Variants in C1orf87 observed in about 807,000 individuals in gnomAD.
C1orf87 encodes chromosome 1 open reading frame 87, also known as uncharacterized protein C1orf87.
Under a neutral mutation model 60.5 loss-of-function variants are expected in C1orf87, and 58 were observed. The observed-to-expected ratio is 0.96, with a 90% CI of 0.78 to 1.19. C1orf87 has a LOEUF of 1.19. C1orf87 is among the 50% of genes most tolerant of loss of function. C1orf87 has a pLI of 0.00. For synonymous variants in C1orf87, 236 were observed against 227.4 expected (o/e 1.04, Z -0.34); for missense variants, 673 against 638.6 (o/e 1.05, Z -0.58).
intron 10 of C1orf87, among the ~76,000 whole-genome samples, chr1:59,999,897 C>A (rs1021582278): frequency 1.3e-5 from 2 of 152,124 alleles, no homozygotes; most frequent in African/African-American, 4.8e-5. Context: ...CTTACTCATT[C>A]TTCAAGACTT....
At chr1:60,009,831 T>A (rs1391341513) in intron 9 of C1orf87, among the ~76,000 whole-genome samples, 1 of 152,102 alleles carries the variant, frequency 6.6e-6, no homozygotes, top group Non-Finnish European at 1.5e-5. Flanking sequence ...TTTCACTTAA[T>A]AATATGTCTT....
intron 8 of C1orf87, among the ~76,000 whole-genome samples, chr1:60,017,315 A>G (rs1645130511): frequency 6.6e-6 from 1 of 152,202 alleles, no homozygotes; most frequent in African/African-American, 2.4e-5. Flanking sequence ...TAATTGCTGA[A>G]TCAGACACCT....
At position 59,997,813 on chromosome 1, in the gene C1orf87, T is replaced by C. The variant is rs770642657; in HGVS notation, c.1276A>G (p.Thr426Ala). ...MSQSKTEHMKTPEEELQPESS... is the reference protein window; with the variant it reads ...MSQSKTEHMKAPEEELQPESS... ...TCTGGCTGCAGCTCCTCTTCTGGAG[T>C]TTTCTACCAAAACAACAAAAGCATT... Residue 426 changes from threonine to alanine, a missense_variant, in exon 11 of 12, where the codon ACT (threonine) becomes GCT (alanine). Coordinates refer to ENST00000371201, the MANE Select transcript of C1orf87 (RefSeq NM_152377.3). The C allele has an allele frequency of 1.2e-6, 2 of 1,612,490 alleles. No homozygotes were observed. Among genetic ancestry groups the C allele is most frequent in the Non-Finnish European group, 1.7e-6 (2 of 1,179,522 alleles).
rs1003706161 is a variant in C1orf87, at chr1:60,001,016, G to T, written c.1272+61C>A. On this transcript the variant is annotated intron_variant, in intron 10 of 11. Coordinates refer to ENST00000371201, the MANE Select transcript of C1orf87 (RefSeq NM_152377.3). ...CAGGAGAGAGCCCCATCCAGCATCA[G>T]AGAAAAGGCCAAGTATCCATGAAAA... The T allele has an allele frequency of 2.1e-6, 3 of 1,396,136 alleles. No homozygotes were observed. The South Asian group carries it at 3.6e-5, about 17-fold the overall frequency. 86.5% of individuals were successfully genotyped at this position (1,396,136 alleles called of 1,614,324 possible).
intron 8 of C1orf87, among the ~76,000 whole-genome samples, chr1:60,017,297 G>C (rs911954781): frequency 6.6e-6 from 1 of 152,076 alleles, no homozygotes; most frequent in African/African-American, 2.4e-5. Flanking sequence ...TCCTATTCCC[G>C]TCAGAAGTAA....
At chr1:60,001,611 G>T (rs530058691) in intron 9 of C1orf87, among the ~76,000 whole-genome samples, 2 of 152,084 alleles carry the variant, frequency 1.3e-5, no homozygotes, top group African/African-American at 4.8e-5. Context: ...AGAGCAGAGA[G>T]TTCCAGAAAA....
chr1:60,005,520 GA>G (rs1216289460), intron 9 of C1orf87, among the ~76,000 whole-genome samples: 25 of 152,104 alleles, frequency 1.6e-4, no homozygotes, highest in African/African-American at 6.0e-4. Context: ...CCTCTTTAAA[GA>G]AGTGACATTT....
intron 3 of C1orf87, among the ~76,000 whole-genome samples, chr1:60,054,063 A>G (rs561513026): frequency 1.3e-5 from 2 of 152,358 alleles, no homozygotes; most frequent in African/African-American, 4.8e-5. Context: ...CCAGAATCTA[A>G]ATTAGGTTAA....
intron 8 of C1orf87, among the ~76,000 whole-genome samples, chr1:60,014,064 C>T (rs1465609647): frequency 6.6e-6 from 1 of 152,102 alleles, no homozygotes; most frequent in African/African-American, 2.4e-5. Context: ...TTCCCCTTAC[C>T]ACCTTGCTTA....
intron 8 of C1orf87, among the ~76,000 whole-genome samples, chr1:60,014,669 A>G (rs553892853): frequency 6.6e-6 from 1 of 152,288 alleles, no homozygotes; most frequent in South Asian, 2.1e-4. Context: ...GGCTTAAGTC[A>G]AAAGGTTTGC....
At chr1:60,062,683 C>A (rs1645505376) in intron 2 of C1orf87, among the ~76,000 whole-genome samples, 1 of 152,016 alleles carries the variant, frequency 6.6e-6, no homozygotes, top group South Asian at 2.1e-4. Flanking sequence ...TCATCTTTTT[C>A]CCATTGATTT....
chr1:60,040,040 G>C lies in C1orf87; in HGVS notation c.624C>G (p.Ile208Met). 1 of 1,614,226 alleles carries C rather than the reference G, an allele frequency of 6.2e-7. No homozygotes were observed. Among genetic ancestry groups the C allele is most frequent in the Non-Finnish European group, 8.5e-7 (1 of 1,180,040 alleles). Residue 208 changes from isoleucine (I) to methionine (M), a missense_variant, in exon 5 of 12, where the codon ATC becomes ATG. Coordinates refer to ENST00000371201, the MANE Select transcript of C1orf87 (RefSeq NM_152377.3). Reference sequence around the variant, plus strand: ...GAGATTGGAGAAGAAATCCTGAAGAGATTGGGTCCAGGATCTTCAGCTCTT... The same window carrying C: ...GAGATTGGAGAAGAAATCCTGAAGACATTGGGTCCAGGATCTTCAGCTCTT... The part of the protein sequence containing the change: ...LQKELKILDP[I>M]SSGFLLQSQL...
chr1:60,061,084 C>G (rs1645493450), intron 2 of C1orf87, among the ~76,000 whole-genome samples: 1 of 152,162 alleles, frequency 6.6e-6, no homozygotes, highest in Non-Finnish European at 1.5e-5. Flanking sequence ...ACAGTTCTGT[C>G]TCTGCATCAC....
chr1:59,995,768 C>T (rs1256215722), intron 11 of C1orf87, among the ~76,000 whole-genome samples: 1 of 152,220 alleles, frequency 6.6e-6, no homozygotes, highest in Non-Finnish European at 1.5e-5. Flanking sequence ...AAGTGATCTT[C>T]CCACCTCAGC....
At chr1:60,029,063 C>G (rs1645218641) in intron 7 of C1orf87, among the ~76,000 whole-genome samples, 1 of 152,172 alleles carries the variant, frequency 6.6e-6, no homozygotes, top group Non-Finnish European at 1.5e-5. Flanking sequence ...TCAACGTGTT[C>G]AAAACTGAAC....
At chr1:60,059,611 C>T (rs374692426) in intron 2 of C1orf87, among the ~76,000 whole-genome samples, 18 of 152,154 alleles carry the variant, frequency 1.2e-4, no homozygotes, top group African/African-American at 4.1e-4. Context: ...AGGGATCCCC[C>T]GCTGGCCCCA....
At chr1:59,996,317 C>T (rs563455946) in intron 11 of C1orf87, among the ~76,000 whole-genome samples, 23 of 152,256 alleles carry the variant, frequency 1.5e-4, no homozygotes, top group African/African-American at 4.8e-4. Flanking sequence ...TATCTGCTCC[C>T]TCTTTTCCCA....
At chr1:60,049,613 T>C (rs1364599672) in intron 3 of C1orf87, among the ~76,000 whole-genome samples, 1 of 152,092 alleles carries the variant, frequency 6.6e-6, no homozygotes, top group Non-Finnish European at 1.5e-5. Context: ...CAGTGAAAAG[T>C]ATCATTTTCC....
intron 3 of C1orf87, among the ~76,000 whole-genome samples, chr1:60,046,021 G>A (rs1645365057): frequency 6.6e-6 from 1 of 152,116 alleles, no homozygotes; most frequent in Non-Finnish European, 1.5e-5. Flanking sequence ...TTCAAAATAT[G>A]AACCATATAT....
Sources: gnomAD v4.1 joint callset for allele counts (sites outside exome capture counted in the v4.1 genomes callset) on GRCh38, gnomAD v4.1.1 for gene constraint, MANE v1.5 for transcripts, NCBI Gene and HGNC (gene_info 2026-07-23, HGNC 2026-07-21) for gene names.